ZFC3H1: variants seen among roughly 807,000 people sequenced by gnomAD.
The protein encoded by ZFC3H1 is zinc finger C3H1 domain-containing protein.
In ZFC3H1, 71 loss-of-function variants were observed where a neutral mutation model predicts 243.7. The ratio of observed to expected loss-of-function variants is 0.29; its 90% CI spans 0.24 to 0.36. ZFC3H1 has a LOEUF of 0.36. Ranked by LOEUF, ZFC3H1 falls within the 10% of genes least tolerant of loss-of-function variation. The probability of loss-of-function intolerance (pLI) is 1.00; values close to 1 mark genes in which losing one functional copy is unlikely to be tolerated. For synonymous variants in ZFC3H1, 838 were observed against 813.0 expected (o/e 1.03, Z -0.52); for missense variants, 1,966 against 2,317.1 (o/e 0.85, Z 3.11).
At position 71,627,743 on chromosome 12, in the gene ZFC3H1, T is replaced by G. The variant is rs1479310090; in HGVS notation, c.4130+8A>C. The G allele has an allele frequency of 4.4e-6, 7 of 1,600,270 alleles. No homozygotes were observed. Among genetic ancestry groups the G allele is most frequent in the African/African-American group, 2.7e-5 (2 of 74,054 alleles). On this transcript the variant is annotated splice_region_variant and intron_variant, in intron 21 of 34. Transcript: ENST00000378743. The stretch of plus-strand genomic sequence containing the variant: ...AACTGTTTACACAAAGATTTGAAGT[T>G]GACCTACCCCTCATTTTGATTCAAG...
At chr12:71,629,738 G>T in intron 18 of ZFC3H1, 28 bp from the exon 19 acceptor site, 3 of 1,350,530 alleles carry the variant, frequency 2.2e-6, no homozygotes, top group South Asian at 1.2e-5. Context: ...CAATCTTCAT[G>T]ATAAATATCA....
chr12:71,652,091 G>C (rs1448523601), intron 2 of ZFC3H1, among the ~76,000 whole-genome samples: 1 of 152,172 alleles, frequency 6.6e-6, no homozygotes, highest in African/African-American at 2.4e-5. Context: ...TGAAGGTATA[G>C]AAGAGTTGTC....
chr12:71,630,581 A>T lies in ZFC3H1; in HGVS notation c.3724+19T>A. 1 of 1,595,258 alleles carries T rather than the reference A, an allele frequency of 6.3e-7. No individual in the cohort carries two copies. Among genetic ancestry groups the T allele is most frequent in the Non-Finnish European group, 8.5e-7 (1 of 1,174,976 alleles). On this transcript the variant is annotated intron_variant, in intron 18 of 34. Coordinates refer to ENST00000378743, the MANE Select transcript of ZFC3H1 (RefSeq NM_144982.5). ...AAATTCAATTTTCATTTGGGAGAGA[A>T]TAGGAAGTCTTTAAAAACCTGCTGA... is the stretch of plus-strand genomic sequence containing the variant.
intron 31 of ZFC3H1, among the ~76,000 whole-genome samples, chr12:71,613,088 TGA>T (rs974135723): frequency 8.5e-5 from 13 of 152,214 alleles, no homozygotes; most frequent in African/African-American, 3.1e-4. Flanking sequence ...GGAACACAGA[TGA>T]ACTTTACTTG....
intron 31 of ZFC3H1, among the ~76,000 whole-genome samples, chr12:71,612,206 T>C (rs1417835464): frequency 6.6e-6 from 1 of 151,868 alleles, no homozygotes; most frequent in Non-Finnish European, 1.5e-5. Context: ...AATGGCTTGA[T>C]AGTAATGCAA....
chr12:71,628,102 A>G (rs1880216252), intron 20 of ZFC3H1, among the ~76,000 whole-genome samples, 168 bp from the exon 21 acceptor site: 1 of 152,226 alleles, frequency 6.6e-6, no homozygotes, highest in African/African-American at 2.4e-5. Context: ...TTATCACCCA[A>G]ACCAGGACCC....
rs1467315656 is a variant in ZFC3H1, at chr12:71,615,216, G to A, written c.5245C>T (p.Leu1749=). The A allele has an allele frequency of 1.2e-6, 2 of 1,609,116 alleles. No homozygotes were observed. Among genetic ancestry groups the A allele is most frequent in the Non-Finnish European group, 8.5e-7 (1 of 1,177,026 alleles). Residue 1749 remains leucine (L), a synonymous_variant, in exon 28 of 35, where the codon CTG becomes TTG. Transcript: ENST00000378743. ...MFNHQVPYLW[L]IYCLCHPLQS... ...CAGTGGATGTCTCACCAGTAAATCA[G>A]CCACAAATAAGGAACTTGGTGGTTA...
At chr12:71,661,079 G>A (rs528655892) in intron 1 of ZFC3H1, among the ~76,000 whole-genome samples, 1 of 152,124 alleles carries the variant, frequency 6.6e-6, no homozygotes, top group African/African-American at 2.4e-5. Flanking sequence ...CGAGGTGGGC[G>A]GATCACGGAG....
At position 71,645,068 on chromosome 12, in the gene ZFC3H1, C is replaced by G. The variant is rs1348857944; in HGVS notation, c.1088G>C (p.Gly363Ala). 18 of 1,595,308 alleles carry G rather than the reference C, an allele frequency of 1.1e-5. No individual in the cohort carries two copies. The highest frequency in any genetic ancestry group is 1.4e-5 in the Non-Finnish European group (17 of 1,175,426). The change falls in exon 4 of 35, where the codon GGT becomes GCT. Residue 363 changes from glycine to alanine, a missense_variant. By Grantham distance (60) the Gly-to-Ala change is moderately conservative. Transcript: ENST00000378743. Reference sequence around the variant, plus strand: ...TTCAGATAGTTCCTCTTCATCTTCACCAAGTTTCTTTAAAGCAAAAAGAAA... The same window carrying G: ...TTCAGATAGTTCCTCTTCATCTTCAGCAAGTTTCTTTAAAGCAAAAAGAAA... ...TSDILSEKKL[G>A]EDEEELSELQ...
intron 3 of ZFC3H1, among the ~76,000 whole-genome samples, chr12:71,645,950 A>T (rs1028455617): frequency 1.8e-4 from 27 of 152,196 alleles, no homozygotes; most frequent in African/African-American, 5.8e-4. Flanking sequence ...TTAAACACAA[A>T]CCCTCTTTTT....
In ZFC3H1 at chr12:71,629,723, C is replaced by A. The variant is rs1417935459; in HGVS notation, c.3725-13G>T. 1 of 1,463,610 alleles carries A rather than the reference C, an allele frequency of 6.8e-7. No homozygotes were observed. Among genetic ancestry groups the A allele is most frequent in the East Asian group, 2.3e-5 (1 of 44,124 alleles). The allele number at this position is 1,463,610 out of a possible 1,614,324, so 90.7% of individuals were successfully genotyped here. On this transcript the variant is annotated splice_polypyrimidine_tract_variant and intron_variant, in intron 18 of 34. Coordinates refer to ENST00000378743, the MANE Select transcript of ZFC3H1 (RefSeq NM_144982.5). ...TCAACATATTTTTCTGAAATAAGAG[C>A]AATGCAATCTTCATGATAAATATCA...
chr12:71,636,564 T>C lies in ZFC3H1; in HGVS notation c.2026A>G (p.Asn676Asp), dbSNP rs1880466859. 1 of 1,614,008 alleles carries C rather than the reference T, an allele frequency of 6.2e-7. No individual in the cohort carries two copies. The highest frequency in any genetic ancestry group is 2.2e-5 in the East Asian group (1 of 44,860). Residue 676 changes from asparagine (N) to aspartate (D), a missense_variant, in exon 9 of 35, where the codon AAC (asparagine) becomes GAC (aspartate). Physicochemically the swap from Asn to Asp is conservative, Grantham distance 23 (BLOSUM62 1). Transcript: ENST00000378743. ...TGTATCCTAGGCTGAGACACTGTGT[T>C]AATACTGACTATTGATAGATTGCTT... ...PRSNLSIVSINTVSQPRIQNP... is the reference protein window; with the variant it reads ...PRSNLSIVSIDTVSQPRIQNP...
At chr12:71,662,647 T>A (rs903803133) in intron 1 of ZFC3H1, among the ~76,000 whole-genome samples, 4 of 152,208 alleles carry the variant, frequency 2.6e-5, no homozygotes, top group African/African-American at 4.8e-5. Context: ...AAACTGTTTA[T>A]GAATATTTTT....
chr12:71,644,688 G>A (rs1880683799), intron 4 of ZFC3H1, among the ~76,000 whole-genome samples, 189 bp downstream of exon 4: 1 of 151,974 alleles, frequency 6.6e-6, no homozygotes, highest in Non-Finnish European at 1.5e-5. Context: ...CGTGGTGGTG[G>A]GCGCCTGTAA....
intron 23 of ZFC3H1, 151 bp from the exon 24 acceptor site, chr12:71,623,748 C>A: frequency 1.6e-6 from 1 of 630,294 alleles, no homozygotes; most frequent in East Asian, 2.9e-5. Flanking sequence ...TCTAATAAGA[C>A]AAAGACAAAA....
rs1035267542 is a variant in ZFC3H1, at chr12:71,654,694, A to T, written c.1015+2191T>A. On this transcript the variant is annotated intron_variant, in intron 2 of 34. Coordinates refer to ENST00000378743, the MANE Select transcript of ZFC3H1 (RefSeq NM_144982.5). ...AAAATAAGAGCCTAAAAAGAAAAAAAAGAAGAAGAAATAAAACCAAATGTC... is the reference window on the plus strand; with the variant it reads ...AAAATAAGAGCCTAAAAAGAAAAAATAGAAGAAGAAATAAAACCAAATGTC... Among the ~76,000 whole-genome samples, 3 of 152,182 alleles carry T rather than the reference A, an allele frequency of 2.0e-5. No homozygotes were observed. In the East Asian group the frequency reaches 5.8e-4, roughly 29 times the overall value.
chr12:71,621,210 A>T lies in ZFC3H1; in HGVS notation c.4745-895T>A, dbSNP rs1267781369. The stretch of plus-strand genomic sequence containing the variant: ...AATTTACTTCAAAAGCACATTATAA[A>T]AACTGTAAAGCACCCTGTAACACAG... On this transcript the variant is annotated intron_variant, in intron 24 of 34. Coordinates refer to ENST00000378743, the MANE Select transcript of ZFC3H1 (RefSeq NM_144982.5). 2.6e-5 allele frequency among the ~76,000 whole-genome samples: 4 copies of T among 151,730 alleles called. No homozygotes were observed. The East Asian group carries it at 5.8e-4, about 22-fold the overall frequency.
At chr12:71,619,680 T>C (rs752322782) in intron 26 of ZFC3H1, among the ~76,000 whole-genome samples, 26 of 152,168 alleles carry the variant, frequency 1.7e-4, no homozygotes, top group Non-Finnish European at 2.5e-4. Context: ...TCTAGCACCA[T>C]GGTAGGCGTT....
intron 7 of ZFC3H1, among the ~76,000 whole-genome samples, chr12:71,637,621 A>T (rs1880496384): frequency 6.6e-6 from 1 of 152,204 alleles, no homozygotes; most frequent in Non-Finnish European, 1.5e-5. Context: ...TATTTGCATC[A>T]AAGATCTTCC....
Sources: gnomAD v4.1 joint callset for allele counts (sites outside exome capture counted in the v4.1 genomes callset) on GRCh38, gnomAD v4.1.1 for gene constraint, MANE v1.5 for transcripts, NCBI Gene and HGNC (gene_info 2026-07-23, HGNC 2026-07-21) for gene names.